Variants in PTPN23 observed in about 807,000 individuals in gnomAD.
The protein encoded by PTPN23 is tyrosine-protein phosphatase non-receptor type 23.
PTPN23 carries 72 observed loss-of-function variants against 156.3 expected under a neutral mutation model. The observed-to-expected ratio is 0.46, with a 90% CI of 0.38 to 0.56. The LOEUF is 0.56. Among genes scored for constraint, PTPN23 ranks in the 20% least tolerant of loss-of-function variants. The pLI, the probability that PTPN23 is intolerant of heterozygous loss-of-function variation, is 0.00. For missense variants in PTPN23, 1,974 were observed against 2,171.5 expected (o/e 0.91, Z 1.81); for synonymous variants, 957 against 899.6 (o/e 1.06, Z -1.14).
At position 47,407,219 on chromosome 3, in the gene PTPN23, G is replaced by T. The variant is rs1270593136; in HGVS notation, c.864+33G>T. 6.2e-7 allele frequency: 1 copy of T among 1,613,970 alleles called. No homozygotes were observed. The highest frequency in any genetic ancestry group is 1.1e-5 in the South Asian group (1 of 91,084). The stretch of plus-strand genomic sequence containing the variant: ...TGAGGAAGGCCTGGCTGCCCTGAGG[G>T]TATAGGAGCAAGCCCGGTAGGACTG... On this transcript the variant is annotated intron_variant, in intron 10 of 24. Coordinates refer to ENST00000265562, the MANE Select transcript of PTPN23 (RefSeq NM_015466.4). This position sits in a 1 kb window ranked among gnomAD's most constrained non-coding sequence, Gnocchi z 4.0.
At position 47,410,145 on chromosome 3, in the gene PTPN23, G is replaced by A. The variant is rs769003180; in HGVS notation, c.2347G>A (p.Gly783Arg). 4 of 1,593,576 alleles carry A rather than the reference G, an allele frequency of 2.5e-6. No homozygotes were observed. Among genetic ancestry groups the A allele is most frequent in the African/African-American group, 1.3e-5 (1 of 74,370 alleles). Residue 783 changes from glycine to arginine, a missense_variant, in exon 20 of 25, where the codon GGA becomes AGA. By Grantham distance (125) the Gly-to-Arg change is moderately radical (BLOSUM62 -2). Around this residue, in one of 4 missense-constraint regions of PTPN23, gnomAD observed 731 missense variants for 669.1 expected, o/e 1.09. Coordinates refer to ENST00000265562, the MANE Select transcript of PTPN23 (RefSeq NM_015466.4). ...PSPFPSSTGP[G>R]PHYLSGPLPP... is the part of the protein sequence containing the mutation. ...CCCCTTCCCCAGCTCCACAGGCCCA[G>A]GACCCCACTATCTCTCAGGCCCCTT...
In PTPN23 at chr3:47,405,215, C is replaced by T. The variant is rs1044226448; in HGVS notation, c.364+134C>T. On this transcript the variant is annotated intron_variant, in intron 4 of 24. Coordinates refer to ENST00000265562, the MANE Select transcript of PTPN23 (RefSeq NM_015466.4). This position sits in a 1 kb window ranked among gnomAD's most constrained non-coding sequence, Gnocchi z 4.7. The stretch of plus-strand genomic sequence containing the variant: ...GGATTCCCGCCCCTCCACTGACCTC[C>T]CCACAGCCCTGCCAGCTCCTCCACT... 9 of 781,572 alleles carry T rather than the reference C, an allele frequency of 1.2e-5. No individual in the cohort carries two copies. In the Admixed American group the frequency reaches 1.9e-4, roughly 17 times the overall value. The allele number at this position is 781,572 out of a possible 1,614,324, so 48.4% of individuals were successfully genotyped here.
Position 47,407,800 on chromosome 3 carries a change from G to A in PTPN23, c.1107G>A (p.Ser369=), listed in dbSNP as rs775768701. The A allele has an allele frequency of 6.8e-6, 11 of 1,613,964 alleles. No individual in the cohort carries two copies. Among genetic ancestry groups the A allele is most frequent in the South Asian group, 2.2e-5 (2 of 91,066 alleles). ...KLVPMAAHEA[S]SLYSEEKAKL... The stretch of plus-strand genomic sequence containing the variant: ...TACCCATGGCTGCCCACGAGGCCTC[G>A]TCACTGTACAGGTGGGTGGAGGGTG... Residue 369 remains serine (S), a synonymous_variant, in exon 13 of 25, where the codon TCG becomes TCA. Transcript: ENST00000265562. The surrounding 1 kb of genome is among the most constrained non-coding windows in gnomAD (Gnocchi z 4.0).
chr3:47,400,069 G>A (rs1315644459), intron 2 of PTPN23, among the ~76,000 whole-genome samples: 2 of 152,012 alleles, frequency 1.3e-5, no homozygotes, highest in Non-Finnish European at 2.9e-5. Flanking sequence ...CTCAGCCTCC[G>A]AAAATGCTGG....
chr3:47,395,804 C>T lies in PTPN23; in HGVS notation c.85-339C>T, dbSNP rs189950225. On this transcript the variant is annotated intron_variant, in intron 1 of 24. Coordinates refer to ENST00000265562, the MANE Select transcript of PTPN23 (RefSeq NM_015466.4). ...CCACAACGCAGCAGGGCCCAATCTT[C>T]TAGGGAGGCTTGAGTTCGTGACCCT... Among the ~76,000 whole-genome samples, 152 of 152,262 alleles carry T rather than the reference C, an allele frequency of 1.0e-3. 3 individuals carry two copies. The highest frequency in any genetic ancestry group is 3.4e-3 in the African/African-American group (143 of 41,548).
rs147604360 is a variant in PTPN23 at position 47,389,438 on chromosome 3, C to G, written c.85-6705C>G. ...CCAGCCTGGGCACCATAGCAAGACC[C>G]CTGTCTCTACAAAATAAAAATAAAA... On this transcript the variant is annotated intron_variant, in intron 1 of 24. Coordinates refer to ENST00000265562, the MANE Select transcript of PTPN23 (RefSeq NM_015466.4). Among the ~76,000 whole-genome samples, 113 of 152,038 alleles carry G rather than the reference C, an allele frequency of 7.4e-4. No individual in the cohort carries two copies. In the East Asian group the frequency reaches 0.021, roughly 29 times the overall value.
chr3:47,410,188 C>A lies in PTPN23; in HGVS notation c.2390C>A (p.Ser797Ter). 1 of 1,603,654 alleles carries A rather than the reference C, an allele frequency of 6.2e-7. No individual in the cohort carries two copies. Among genetic ancestry groups the A allele is most frequent in the Non-Finnish European group, 8.5e-7 (1 of 1,174,440 alleles). ...LSGPLPPGTY[S>*]GPTQLIQPRA... ...GGCCCCTTGCCCCCTGGTACCTACT[C>A]GGGCCCCACCCAGCTGATACAGCCC... Residue 797 changes from serine (S) to a stop codon, truncating the protein, a stop_gained, in exon 20 of 25, where the codon TCG becomes TAG. Transcript: ENST00000265562. LOFTEE classifies it high-confidence loss of function.
At chr3:47,395,073 C>T (rs1704850820) in intron 1 of PTPN23, among the ~76,000 whole-genome samples, 1 of 152,190 alleles carries the variant, frequency 6.6e-6, no homozygotes, top group Admixed American at 6.5e-5. Context: ...TCCTCTTCTC[C>T]CTTTGCTCAC....
chr3:47,382,133 G>A (rs1704555844), intron 1 of PTPN23, among the ~76,000 whole-genome samples: 1 of 152,188 alleles, frequency 6.6e-6, no homozygotes, highest in South Asian at 2.1e-4. Context: ...AATGGGTTTG[G>A]AAGTAGTTTC....
chr3:47,396,200 C>T lies in PTPN23; in HGVS notation c.142C>T (p.Leu48=), dbSNP rs201230194. 2.1e-5 allele frequency: 34 copies of T among 1,612,662 alleles called. No individual in the cohort carries two copies. The Admixed American group carries it at 5.3e-4, about 25-fold the overall frequency. The change falls in exon 2 of 25, where the codon CTG becomes TTG. Residue 48 remains leucine (L), a synonymous_variant. Transcript: ENST00000265562. ...AGCCTACAATGAAGAACTGAAGAAGCTGGAGTTGCTCAGACAGGTAGGAGG... is the reference window on the plus strand; with the variant it reads ...AGCCTACAATGAAGAACTGAAGAAGTTGGAGTTGCTCAGACAGGTAGGAGG... The part of the protein sequence containing the change: ...PEAYNEELKK[L]ELLRQNAVRV...
rs144025762 is a variant in PTPN23 at position 47,410,373 on chromosome 3, G to C, written c.2575G>C (p.Gly859Arg). ...GGTAGGGCCGGCCCCACCAGTTGCA[G>C]GTCTCCCCTCGGCCCCACCTCCTCA... ...VGVGPAPPVA[G>R]LPSAPPPQFS... Residue 859 changes from glycine (G) to arginine (R), a missense_variant, in exon 20 of 25, where the codon GGT (glycine) becomes CGT (arginine). Around this residue, in one of 4 missense-constraint regions of PTPN23, gnomAD observed 731 missense variants for 669.1 expected, o/e 1.09. Transcript: ENST00000265562. The C allele has an allele frequency of 7.5e-4, 1,204 of 1,610,736 alleles. 1 individual carries two copies. The highest frequency in any genetic ancestry group is 9.7e-4 in the Non-Finnish European group (1,144 of 1,178,760).
Position 47,412,096 on chromosome 3 carries a change from G to A in PTPN23, c.4076G>A (p.Gly1359Asp). ...CCTGGCCCCATCCTGTCCCACAGAG[G>A]CCTGCCCGACAGCCCCAGCAACTTG... ...HLHFPTWPEL[G>D]LPDSPSNLLR... Residue 1359 changes from glycine (G) to aspartate (D), a missense_variant and splice_region_variant, in exon 22 of 25, where the codon GGC (glycine) becomes GAC (aspartate). Physicochemically the swap from Gly to Asp is moderately conservative, Grantham distance 94 (BLOSUM62 -1). Around this residue, in one of 4 missense-constraint regions of PTPN23, gnomAD observed 484 missense variants for 516.0 expected, o/e 0.94. Coordinates refer to ENST00000265562, the MANE Select transcript of PTPN23 (RefSeq NM_015466.4). The A allele has an allele frequency of 6.2e-7, 1 of 1,613,004 alleles. No individual in the cohort carries two copies. The highest frequency in any genetic ancestry group is 2.2e-5 in the East Asian group (1 of 44,872).
rs374300530 is a variant in PTPN23 at position 47,410,014 on chromosome 3, G to A, written c.2216G>A (p.Gly739Glu). 34 of 1,608,364 alleles carry A rather than the reference G, an allele frequency of 2.1e-5. No homozygotes were observed. Among genetic ancestry groups the A allele is most frequent in the African/African-American group, 4.0e-5 (3 of 74,724 alleles). ...RREESEAVEA[G>E]DPPEELRSLP... ...GAGGAGAGTGAGGCAGTGGAAGCAG[G>A]AGACCCCCCTGAGGAGCTGCGCAGC... is the stretch of plus-strand genomic sequence containing the variant. Residue 739 changes from glycine (G) to glutamate (E), a missense_variant, in exon 20 of 25, where the codon GGA (glycine) becomes GAA (glutamate). Physicochemically the swap from Gly to Glu is moderately conservative, Grantham distance 98. Around this residue, in one of 4 missense-constraint regions of PTPN23, gnomAD observed 731 missense variants for 669.1 expected, o/e 1.09. Transcript: ENST00000265562.
Position 47,406,651 on chromosome 3 carries a change from T to C in PTPN23, c.759+39T>C. ...GCCCCAGGGCGGGGCAGGGCGGGGC[T>C]GAGTGGCCACAGCTCAGGAAGCAAG... On this transcript the variant is annotated intron_variant, in intron 8 of 24. Transcript: ENST00000265562. The surrounding 1 kb of genome is among the most constrained non-coding windows in gnomAD (Gnocchi z 5.8). The C allele has an allele frequency of 6.2e-7, 1 of 1,613,820 alleles. No homozygotes were observed. The highest frequency in any genetic ancestry group is 8.5e-7 in the Non-Finnish European group (1 of 1,179,876).
rs1705281010 is a variant in PTPN23 at position 47,411,267 on chromosome 3, C to T, written c.3469C>T (p.Leu1157=). 1.9e-6 allele frequency: 3 copies of T among 1,610,586 alleles called. No individual in the cohort carries two copies. The highest frequency in any genetic ancestry group is 2.5e-6 in the Non-Finnish European group (3 of 1,179,914). The part of the protein sequence containing the change: ...DAAEGRRPQA[L]RLIERDPYEH... ...AGCTGAGGGTCGTCGGCCGCAGGCC[C>T]TGCGGCTGATTGAGCGGGACCCCTA... Residue 1157 remains leucine, a synonymous_variant, in exon 20 of 25, where the codon CTG becomes TTG. Transcript: ENST00000265562. The surrounding 1 kb of genome is among the most constrained non-coding windows in gnomAD (Gnocchi z 6.3).
At chr3:47,386,663 C>T (rs1301902690) in intron 1 of PTPN23, among the ~76,000 whole-genome samples, 1 of 152,182 alleles carries the variant, frequency 6.6e-6, no homozygotes, top group Non-Finnish European at 1.5e-5. Context: ...GACTAGAGGC[C>T]TAAAAGGCCT....
intron 2 of PTPN23, among the ~76,000 whole-genome samples, chr3:47,403,055 C>CTTT (rs1007913831): frequency 7.2e-6 from 1 of 138,478 alleles, no homozygotes; most frequent in East Asian, 2.1e-4. Flanking sequence ...TTGTTACATT[C>CTTT]TTTTTTTTTT....
intron 1 of PTPN23, among the ~76,000 whole-genome samples, chr3:47,390,476 C>G (rs1006102243): frequency 6.6e-6 from 1 of 152,038 alleles, no homozygotes; most frequent in African/African-American, 2.4e-5. Context: ...TGTGTAGGTA[C>G]TGGGGTCCTG....
rs747311269 is a variant in PTPN23 at position 47,411,834 on chromosome 3, G to A, written c.3940G>A (p.Gly1314Ser). 9.9e-6 allele frequency: 16 copies of A among 1,612,960 alleles called. No homozygotes were observed. Among genetic ancestry groups the A allele is most frequent in the Non-Finnish European group, 1.4e-5 (16 of 1,179,902 alleles). The change falls in exon 21 of 25, where the codon GGT (glycine) becomes AGT (serine). Residue 1314 changes from glycine (G) to serine (S), a missense_variant. Gly to Ser is a moderately conservative substitution (Grantham distance 56). Around this residue, in one of 4 missense-constraint regions of PTPN23, gnomAD observed 484 missense variants for 516.0 expected, o/e 0.94. Transcript: ENST00000265562. This position sits in a 1 kb window ranked among gnomAD's most constrained non-coding sequence, Gnocchi z 6.3. ...PTERGQPMVH[G>S]ALSLALSSVR... Reference sequence around the variant, plus strand: ...CGAGAGGGGCCAGCCCATGGTGCACGGTGCCCTGAGCCTGGCATTGAGCAG... The same window carrying A: ...CGAGAGGGGCCAGCCCATGGTGCACAGTGCCCTGAGCCTGGCATTGAGCAG...
Sources: allele counts gnomAD v4.1 joint callset (sites outside exome capture counted in the v4.1 genomes callset), GRCh38; gene constraint gnomAD v4.1.1; regional missense constraint gnomAD v4.1.1; non-coding constraint Gnocchi (gnomAD v3.1); transcripts MANE v1.5; gene names NCBI Gene and HGNC (gene_info 2026-07-23, HGNC 2026-07-21).